Variants in GPM6A observed in about 807,000 individuals in gnomAD.
GPM6A encodes neuronal membrane glycoprotein M6-a.
In GPM6A, 7 loss-of-function variants were observed where a neutral mutation model predicts 32.1. The ratio of observed to expected loss-of-function variants is 0.22; its 90% CI spans 0.12 to 0.41. GPM6A has a LOEUF of 0.41. GPM6A is among the 10% of genes least tolerant of loss of function. The probability of loss-of-function intolerance (pLI) is 1.00; values close to 1 mark genes in which losing one functional copy is unlikely to be tolerated. For missense variants in GPM6A, 235 were observed against 347.2 expected, an observed-to-expected ratio of 0.68 and a Z score of 2.57; for synonymous variants, 130 against 123.4, an observed-to-expected ratio of 1.05 and a Z score of -0.35.
At chr4:175,897,888 T>A (rs1039953679) in intron 1 of GPM6A, among the ~76,000 whole-genome samples, 2 of 152,186 alleles carry the variant, frequency 1.3e-5, no homozygotes, top group African/African-American at 4.8e-5. Flanking sequence ...TTGACTTTAC[T>A]TAAATTAGAA....
At chr4:175,778,467 A>T (rs1733481058) in intron 1 of GPM6A, among the ~76,000 whole-genome samples, 1 of 151,794 alleles carries the variant, frequency 6.6e-6, no homozygotes, top group African/African-American at 2.4e-5. Context: ...TCTACTAAAA[A>T]TACAAAAATT....
chr4:175,934,177 A>G, intron 1 of GPM6A, among the ~76,000 whole-genome samples: 1 of 152,208 alleles, frequency 6.6e-6, no homozygotes, highest in Non-Finnish European at 1.5e-5. Context: ...GTCAAAATTC[A>G]TCAAACGCTA....
At chr4:175,750,669 T>C (rs541843490) in intron 1 of GPM6A, among the ~76,000 whole-genome samples, 3 of 151,812 alleles carry the variant, frequency 2.0e-5, no homozygotes, top group African/African-American at 7.2e-5. Context: ...ACCTCCCGGG[T>C]TCAAGAGATT....
Position 175,634,787 on chromosome 4 carries a change from C to A in GPM6A, c.*118G>T. The A allele has an allele frequency of 1.4e-6, 1 of 701,354 alleles. No individual in the cohort carries two copies. The allele number at this position is 701,354 out of a possible 1,614,324, so 43.4% of individuals were successfully genotyped here. ...AATTGTACTCAGGTGATTCATAAGTCACCTTACATATCATTGATGAGAAGC... is the reference window on the plus strand; with the variant it reads ...AATTGTACTCAGGTGATTCATAAGTAACCTTACATATCATTGATGAGAAGC... On this transcript the variant is annotated 3_prime_UTR_variant, in exon 7 of 7. Transcript: ENST00000393658.
intron 6 of GPM6A, among the ~76,000 whole-genome samples, chr4:175,636,983 T>C (rs1222862930): frequency 1.0e-5 from 1 of 99,184 alleles, no homozygotes; most frequent in East Asian, 3.2e-4. Context: ...TATATGTAAA[T>C]ATATATAAGA....
chr4:175,672,417 A>AT (rs773174511), intron 3 of GPM6A, among the ~76,000 whole-genome samples: 15 of 152,372 alleles, frequency 9.8e-5, no homozygotes, highest in Admixed American at 3.3e-4. Flanking sequence ...TGTAATAAAA[A>AT]GCCAATTACT....
chr4:175,925,821 C>A (rs958044869), intron 1 of GPM6A, among the ~76,000 whole-genome samples: 13 of 151,192 alleles, frequency 8.6e-5, no homozygotes, highest in African/African-American at 2.9e-4. Flanking sequence ...TGTATTTATA[C>A]CCAGATTCTC....
intron 1 of GPM6A, among the ~76,000 whole-genome samples, chr4:175,765,202 T>C (rs1359435282): frequency 6.6e-6 from 1 of 152,030 alleles, no homozygotes; most frequent in Non-Finnish European, 1.5e-5. Flanking sequence ...AGCACACTCC[T>C]TTCCTCCCTA....
intron 1 of GPM6A, among the ~76,000 whole-genome samples, chr4:175,797,208 T>C (rs1322077874): frequency 6.6e-6 from 1 of 152,010 alleles, no homozygotes; most frequent in Non-Finnish European, 1.5e-5. Context: ...CTGATAGTTA[T>C]ACTTTTTACT....
At chr4:175,974,367 T>G (rs1039779209) in intron 1 of GPM6A, among the ~76,000 whole-genome samples, 1 of 152,190 alleles carries the variant, frequency 6.6e-6, no homozygotes, top group East Asian at 1.9e-4. Flanking sequence ...GATCGATTGT[T>G]TGTTTTGAGA....
At chr4:175,987,179 A>G (rs562381837) in intron 1 of GPM6A, among the ~76,000 whole-genome samples, 1 of 152,346 alleles carries the variant, frequency 6.6e-6, no homozygotes, top group South Asian at 2.1e-4. Context: ...TGTAGCACTA[A>G]GCATTCTGTC....
chr4:175,916,966 G>A (rs539079664), intron 1 of GPM6A, among the ~76,000 whole-genome samples: 3 of 152,242 alleles, frequency 2.0e-5, no homozygotes, highest in Admixed American at 6.5e-5. Flanking sequence ...AAAGTGTTTT[G>A]CTGTTTATGG....
intron 6 of GPM6A, among the ~76,000 whole-genome samples, chr4:175,637,266 ATTATATATTATATAT>A (rs1740723524): frequency 2.7e-5 from 1 of 37,314 alleles, no homozygotes; most frequent in Non-Finnish European, 4.5e-5. Flanking sequence ...TAAAATATAT[ATTATATATTATATAT>A]TATATAAAAT....
Position 175,834,339 on chromosome 4 carries a change from T to A in GPM6A, c.-22-22090A>T, listed in dbSNP as rs1188631022. 2.6e-5 allele frequency among the ~76,000 whole-genome samples: 4 copies of A among 152,304 alleles called. 1 individual carries two copies. The East Asian group carries it at 5.8e-4, about 22-fold the overall frequency. On this transcript the variant is annotated intron_variant, in intron 1 of 7. Coordinates refer to the GPM6A transcript ENST00000280187. ...CTTAGAATTGTTCGGCTGCTTTTTT[T>A]AGTTTGTTTTATTCTTGGCTTGCTT...
intron 1 of GPM6A, among the ~76,000 whole-genome samples, chr4:175,924,870 T>C (rs1337780035): frequency 4.6e-5 from 7 of 151,170 alleles, no homozygotes; most frequent in Non-Finnish European, 1.0e-4. Context: ...GAGAGAAGTC[T>C]GAAATACTTG....
intron 1 of GPM6A, among the ~76,000 whole-genome samples, chr4:175,972,225 T>A (rs72704562): frequency 0.08 from 12,169 of 152,230 alleles, 537 homozygotes; most frequent in Middle Eastern, 0.099. Context: ...AAGATTTTTT[T>A]AAAAAAATTT....
intron 1 of GPM6A, among the ~76,000 whole-genome samples, chr4:175,867,616 C>T (rs1358831667): frequency 6.6e-6 from 1 of 152,128 alleles, no homozygotes; most frequent in Non-Finnish European, 1.5e-5. Context: ...TATTTGTTGC[C>T]ATTGATCTAT....
At chr4:175,665,696 C>T (rs981678137) in intron 3 of GPM6A, among the ~76,000 whole-genome samples, 2 of 151,178 alleles carry the variant, frequency 1.3e-5, no homozygotes, top group African/African-American at 4.9e-5. Flanking sequence ...GCCGGAGAAT[C>T]GTTTGAACCC....
At chr4:175,758,491 T>C (rs1732617409) in intron 1 of GPM6A, among the ~76,000 whole-genome samples, 1 of 152,168 alleles carries the variant, frequency 6.6e-6, no homozygotes, top group Non-Finnish European at 1.5e-5. Flanking sequence ...GTATGTAAAA[T>C]AGCTTTCTAA....
Sources: allele counts gnomAD v4.1 joint callset (sites outside exome capture counted in the v4.1 genomes callset), GRCh38; gene constraint gnomAD v4.1.1; transcripts MANE v1.5; gene names NCBI Gene and HGNC (gene_info 2026-07-23, HGNC 2026-07-21).